The following NLGN2 variants were observed in gnomAD, a reference collection of about 807,000 sequenced individuals.
NLGN2 encodes the protein neuroligin-2.
Under a neutral mutation model 48.6 loss-of-function variants are expected in NLGN2, and 11 were observed. The observed-to-expected ratio is 0.23, with a 90% CI of 0.14 to 0.37. The LOEUF (loss-of-function observed/expected upper bound fraction) is 0.37. NLGN2 is among the 10% of genes least tolerant of loss of function. The probability of loss-of-function intolerance (pLI) is 1.00; values close to 1 mark genes in which losing one functional copy is unlikely to be tolerated. For synonymous variants in NLGN2, 548 were observed against 550.0 expected, an observed-to-expected ratio of 1.00 and a Z score of 0.05; for missense variants, 801 against 1,225.2, an observed-to-expected ratio of 0.65 and a Z score of 5.17.
At chr17:7,416,684 G>A (rs1417991994) in intron 6 of NLGN2, among the ~76,000 whole-genome samples, 2 of 151,948 alleles carry the variant, frequency 1.3e-5, no homozygotes, top group Non-Finnish European at 2.9e-5. Flanking sequence ...CCCTCTGCCC[G>A]CATTTCTGGC....
At chr17:7,416,594 T>A (rs1907111143) in intron 6 of NLGN2, among the ~76,000 whole-genome samples, 1 of 152,142 alleles carries the variant, frequency 6.6e-6, no homozygotes, top group African/African-American at 2.4e-5. Context: ...TGGCTGTCCC[T>A]CCCGTGTCTT....
rs774997443 is a variant in NLGN2 at position 7,408,513 on chromosome 17, G to T, written c.258G>T (p.Pro86=). 6.5e-6 allele frequency: 10 copies of T among 1,529,544 alleles called. No individual in the cohort carries two copies. The highest frequency in any genetic ancestry group is 1.9e-4 in the Middle Eastern group (1 of 5,328). 94.7% of individuals were successfully genotyped at this position (1,529,544 alleles called of 1,614,324 possible). A position where few individuals can be genotyped will look rare whatever the true frequency, so the allele number is the denominator to read the frequency against. Residue 86 remains proline, a synonymous_variant, in exon 1 of 7, where the codon CCG becomes CCT. Coordinates refer to ENST00000302926, the MANE Select transcript of NLGN2 (RefSeq NM_020795.4). The surrounding 1 kb of genome is among the most constrained non-coding windows in gnomAD (Gnocchi z 7.5). ...CCCTGGGCGCCCGCCGCTTCCAGCC[G>T]CCTGAGGCGCCCGCCTCGTGGCCCG... ...TPPLGARRFQ[P]PEAPASWPGV...
Position 7,415,569 on chromosome 17 carries a change from A to T in NLGN2, c.1096A>T (p.Ile366Phe). The change falls in exon 6 of 7, where the codon ATC (isoleucine) becomes TTC (phenylalanine). Residue 366 changes from isoleucine to phenylalanine, a missense_variant. Around this residue, in one of 5 missense-constraint regions of NLGN2, gnomAD observed 303 missense variants for 600.1 expected, o/e 0.50. Coordinates refer to ENST00000302926, the MANE Select transcript of NLGN2 (RefSeq NM_020795.4). ...CGACGTGGTCCCCGATGACCCTGAG[A>T]TCCTCATGCAGCAGGGAGAATTCCT... ...DGDVVPDDPE[I>F]LMQQGEFLNY... The T allele has an allele frequency of 1.2e-6, 2 of 1,614,168 alleles. No individual in the cohort carries two copies. Among genetic ancestry groups the T allele is most frequent in the Non-Finnish European group, 1.7e-6 (2 of 1,180,004 alleles).
intron 5 of NLGN2, 135 bp from the exon 6 acceptor site, chr17:7,415,376 G>A (rs1907058159): frequency 1.1e-6 from 1 of 929,252 alleles, no homozygotes; most frequent in Admixed American, 1.9e-5. Context: ...ATCTCCCAAA[G>A]GACCCACTGG....
chr17:7,410,367 T>C (rs1319529729), intron 1 of NLGN2, among the ~76,000 whole-genome samples: 1 of 151,886 alleles, frequency 6.6e-6, no homozygotes. Flanking sequence ...TATTCAAATT[T>C]GAAGCACCCT....
rs189999338 is a variant in NLGN2 at position 7,415,220 on chromosome 17, G to C, written c.1037+72G>C. 103 of 1,418,552 alleles carry C rather than the reference G, an allele frequency of 7.3e-5. No homozygotes were observed. The Admixed American group carries it at 2.1e-3, about 29-fold the overall frequency. 87.9% of individuals were successfully genotyped at this position (1,418,552 alleles called of 1,614,324 possible). A position where few individuals can be genotyped will look rare whatever the true frequency, so the allele number is the denominator to read the frequency against. ...AGGCTGAGGTGAGAGGTGCCTGTGG[G>C]CATACCATTTGGCAAGGAGGGATGG... On this transcript the variant is annotated intron_variant, in intron 5 of 6. Transcript: ENST00000302926.
chr17:7,408,513 G>A lies in NLGN2; in HGVS notation c.258G>A (p.Pro86=), dbSNP rs774997443. ...TPPLGARRFQ[P]PEAPASWPGV... Reference sequence around the variant, plus strand: ...CCCTGGGCGCCCGCCGCTTCCAGCCGCCTGAGGCGCCCGCCTCGTGGCCCG... The same window carrying A: ...CCCTGGGCGCCCGCCGCTTCCAGCCACCTGAGGCGCCCGCCTCGTGGCCCG... Residue 86 remains proline (P), a synonymous_variant, in exon 1 of 7, where the codon CCG becomes CCA. Coordinates refer to ENST00000302926, the MANE Select transcript of NLGN2 (RefSeq NM_020795.4). The surrounding 1 kb of genome is among the most constrained non-coding windows in gnomAD (Gnocchi z 7.5). The A allele has an allele frequency of 1.3e-6, 2 of 1,529,652 alleles. No individual in the cohort carries two copies. Among genetic ancestry groups the A allele is most frequent in the South Asian group, 1.2e-5 (1 of 82,528 alleles). 94.8% of individuals were successfully genotyped at this position (1,529,652 alleles called of 1,614,324 possible).
At chr17:7,416,198 G>T in intron 6 of NLGN2, 91 bp downstream of exon 6, 1 of 1,081,858 alleles carries the variant, frequency 9.2e-7, no homozygotes, top group Non-Finnish European at 1.4e-6. Flanking sequence ...ACTCTGGCCT[G>T]CCCTCTTGCT....
In NLGN2 at chr17:7,414,365, A is replaced by C; in HGVS notation, c.530A>C (p.Lys177Thr). 6.2e-7 allele frequency: 1 copy of C among 1,614,182 alleles called. No homozygotes were observed. The change falls in exon 3 of 7, where the codon AAG becomes ACG. Residue 177 changes from lysine (K) to threonine (T), a missense_variant. By Grantham distance (78) the Lys-to-Thr change is moderately conservative (BLOSUM62 -1). Transcript: ENST00000302926. ...PDTDIRDPGK[K>T]PVMLFLHGGS... ...ACAGATATCCGTGACCCTGGGAAGA[A>C]GCCTGTGATGCTGTTTCTCCATGGC...
Position 7,415,628 on chromosome 17 carries a change from A to T in NLGN2, c.1155A>T (p.Gly385=), listed in dbSNP as rs754582240. The change falls in exon 6 of 7, where the codon GGA becomes GGT. Residue 385 remains glycine, a synonymous_variant. Coordinates refer to ENST00000302926, the MANE Select transcript of NLGN2 (RefSeq NM_020795.4). The part of the protein sequence containing the change: ...NYDMLIGVNQ[G]EGLKFVEDSA... Reference sequence around the variant, plus strand: ...ACATGCTCATCGGCGTCAACCAGGGAGAGGGCCTCAAGTTCGTGGAGGACT... The same window carrying T: ...ACATGCTCATCGGCGTCAACCAGGGTGAGGGCCTCAAGTTCGTGGAGGACT... 3 of 1,613,616 alleles carry T rather than the reference A, an allele frequency of 1.9e-6. No individual in the cohort carries two copies. The highest frequency in any genetic ancestry group is 2.5e-6 in the Non-Finnish European group (3 of 1,179,512).
In NLGN2 at chr17:7,411,518, A is replaced by T. The variant is rs1906890969; in HGVS notation, c.458-639A>T. Reference sequence around the variant, plus strand: ...GGGCAGCCCCAGCTGACCTTCCCATAGCCCTCCAGTGGGGAGCGGAAGGCT... The same window carrying T: ...GGGCAGCCCCAGCTGACCTTCCCATTGCCCTCCAGTGGGGAGCGGAAGGCT... On this transcript the variant is annotated intron_variant, in intron 1 of 6. Transcript: ENST00000302926. The surrounding 1 kb of genome is among the most constrained non-coding windows in gnomAD (Gnocchi z 4.5). Among the ~76,000 whole-genome samples the T allele has an allele frequency of 1.3e-5, 2 of 152,180 alleles. 1 individual carries two copies. The highest frequency in any genetic ancestry group is 4.1e-4 in the South Asian group (2 of 4,832).
chr17:7,417,361 C>T lies in NLGN2; in HGVS notation c.2070C>T (p.Asn690=). 6.2e-7 allele frequency: 1 copy of T among 1,611,372 alleles called. No individual in the cohort carries two copies. The highest frequency in any genetic ancestry group is 8.5e-7 in the Non-Finnish European group (1 of 1,179,130). Residue 690 remains asparagine (N), a synonymous_variant, in exon 7 of 7, where the codon AAC becomes AAT. Coordinates refer to ENST00000302926, the MANE Select transcript of NLGN2 (RefSeq NM_020795.4). ...TGGGTGCCTCCCTCCTCTTCCTCAACATCCTGGCCTTTGCTGCCCTCTACT... is the reference window on the plus strand; with the variant it reads ...TGGGTGCCTCCCTCCTCTTCCTCAATATCCTGGCCTTTGCTGCCCTCTACT... The part of the protein sequence containing the change: ...VAVGASLLFL[N]ILAFAALYYK...
Position 7,416,165 on chromosome 17 carries a change from G to A in NLGN2, c.1634+58G>A, listed in dbSNP as rs79667963. ...GGGGCCCTCCCTCCTTCACATGGCC[G>A]CCGTTCCTCTGTTAAGGCACTCACT... On this transcript the variant is annotated intron_variant, in intron 6 of 6. Coordinates refer to ENST00000302926, the MANE Select transcript of NLGN2 (RefSeq NM_020795.4). The A allele has an allele frequency of 4.2e-3, 5,784 of 1,393,536 alleles. 157 individuals carry two copies. In the East Asian group the frequency reaches 0.078, roughly 19 times the overall value. The allele number at this position is 1,393,536 out of a possible 1,614,324, so 86.3% of individuals were successfully genotyped here.
At chr17:7,414,236 C>A in intron 2 of NLGN2, 108 bp from the exon 3 acceptor site, 1 of 1,007,130 alleles carries the variant, frequency 9.9e-7, no homozygotes. Flanking sequence ...GTCCCCTGAG[C>A]TCCAGGCCAG....
rs533690278 is a variant in NLGN2 at position 7,413,155 on chromosome 17, G to C, written c.508+948G>C. ...GGACAGGATTTGAGGAGAACCCAGC[G>C]AGGGTGCTGCCCACATAGAAGCTCT... On this transcript the variant is annotated intron_variant, in intron 2 of 6. Transcript: ENST00000302926. This position sits in a 1 kb window ranked among gnomAD's most constrained non-coding sequence, Gnocchi z 4.9. Among the ~76,000 whole-genome samples the C allele has an allele frequency of 6.6e-6, 1 of 152,240 alleles. No individual in the cohort carries two copies. Among genetic ancestry groups the C allele is most frequent in the Non-Finnish European group, 1.5e-5 (1 of 68,038 alleles).
At chr17:7,412,092 C>A in intron 1 of NLGN2, 65 bp from the exon 2 acceptor site, 1 of 1,033,808 alleles carries the variant, frequency 9.7e-7, no homozygotes, top group South Asian at 1.3e-5. Context: ...CCACCACCTC[C>A]CCCCGACCCC....
rs1374180439 is a variant in NLGN2, at chr17:7,414,976, G to A, written c.865G>A (p.Ala289Thr). 5.0e-6 allele frequency: 8 copies of A among 1,612,296 alleles called. No individual in the cohort carries two copies. Among genetic ancestry groups the A allele is most frequent in the African/African-American group, 1.3e-5 (1 of 75,052 alleles). ...HSEGLFQKAI[A>T]QSGTAISSWS... ...GCCAGGGCTGTTCCAGAAGGCCATCGCCCAGAGTGGCACCGCCATTTCCAG... is the reference window on the plus strand; with the variant it reads ...GCCAGGGCTGTTCCAGAAGGCCATCACCCAGAGTGGCACCGCCATTTCCAG... The change falls in exon 5 of 7, where the codon GCC becomes ACC. Residue 289 changes from alanine to threonine, a missense_variant. By Grantham distance (58) the Ala-to-Thr change is moderately conservative. Around this residue, in one of 5 missense-constraint regions of NLGN2, gnomAD observed 303 missense variants for 600.1 expected, o/e 0.50. Coordinates refer to ENST00000302926, the MANE Select transcript of NLGN2 (RefSeq NM_020795.4).
chr17:7,406,716 C>T (rs1473024157), upstream of NLGN2, among the ~76,000 whole-genome samples: 4 of 150,984 alleles, frequency 2.6e-5, no homozygotes, highest in Non-Finnish European at 5.9e-5. Flanking sequence ...TCTCCCTTGG[C>T]TGGCCCCTGC....
rs1906765698 is a variant in NLGN2, at chr17:7,408,798, G to A, written c.457+86G>A. Reference sequence around the variant, plus strand: ...ACCCTCAGGCACTGGCACCGCTCTAGGGCTCAGAGCTGGGCCTTTGTGGGG... The same window carrying A: ...ACCCTCAGGCACTGGCACCGCTCTAAGGCTCAGAGCTGGGCCTTTGTGGGG... On this transcript the variant is annotated intron_variant, in intron 1 of 6. Coordinates refer to ENST00000302926, the MANE Select transcript of NLGN2 (RefSeq NM_020795.4). This position sits in a 1 kb window ranked among gnomAD's most constrained non-coding sequence, Gnocchi z 7.5. 1 of 1,604,904 alleles carries A rather than the reference G, an allele frequency of 6.2e-7. No homozygotes were observed. The highest frequency in any genetic ancestry group is 8.5e-7 in the Non-Finnish European group (1 of 1,177,184).
Sources: allele counts gnomAD v4.1 joint callset (sites outside exome capture counted in the v4.1 genomes callset), GRCh38; gene constraint gnomAD v4.1.1; regional missense constraint gnomAD v4.1.1; non-coding constraint Gnocchi (gnomAD v3.1); transcripts MANE v1.5; gene names NCBI Gene and HGNC (gene_info 2026-07-23, HGNC 2026-07-21).